Variants in CYP3A4 observed in about 807,000 individuals in gnomAD.
CYP3A4 encodes the protein cytochrome P450 3A4.
Under a neutral mutation model 54.9 loss-of-function variants are expected in CYP3A4, and 41 were observed. That is an observed-to-expected ratio of 0.75 (90% CI 0.58 to 0.97). The LOEUF (loss-of-function observed/expected upper bound fraction) is 0.97. Among genes scored for constraint, CYP3A4 ranks in the 50% least tolerant of loss-of-function variants. The pLI is 0.00. For missense variants in CYP3A4, 510 were observed against 597.3 expected, an observed-to-expected ratio of 0.85 and a Z score of 1.52; for synonymous variants, 179 against 205.2, an observed-to-expected ratio of 0.87 and a Z score of 1.09.
chr7:99,763,982 A>AT lies in CYP3A4; in HGVS notation c.898dup (p.Ile300AsnfsTer9). 1.2e-6 allele frequency: 2 copies of AT among 1,614,010 alleles called. No individual in the cohort carries two copies. The highest frequency in any genetic ancestry group is 8.5e-7 in the Non-Finnish European group (1 of 1,179,916). ...TTCATAGCCAGCAAAAATAAAGATA[A>AT]TTGATTGGGCCACGAGCTCCAGATC... On this transcript the variant is annotated frameshift_variant, in exon 10 of 13. Transcript: ENST00000651514. LOFTEE classifies it high-confidence loss of function.
In CYP3A4 at chr7:99,768,408, T is replaced by A. The variant is rs935043481; in HGVS notation, c.616A>T (p.Asn206Tyr). The change falls in exon 7 of 13, where the codon AAC becomes TAC. Residue 206 changes from asparagine to tyrosine, a missense_variant. Asn to Tyr is a moderately radical substitution (Grantham distance 143, BLOSUM62 -2). Transcript: ENST00000651514. Reference protein sequence around the residue: ...LNNPQDPFVENTKKLLRFDFL... With the variant: ...LNNPQDPFVEYTKKLLRFDFL... ...TCAAATCTTAAAAGCTTCTTGGTGT[T>A]TTCCACAAAGGGGTCTTGTGGATTG... The A allele has an allele frequency of 6.2e-7, 1 of 1,613,972 alleles. No homozygotes were observed. The highest frequency in any genetic ancestry group is 1.3e-5 in the African/African-American group (1 of 74,928).
chr7:99,769,966 G>T, intron 5 of CYP3A4, 110 bp from the exon 6 acceptor site: 1 of 1,580,944 alleles, frequency 6.3e-7, no homozygotes, highest in Admixed American at 1.7e-5. Flanking sequence ...AATGAATTTT[G>T]TGATGTGTTT....
At chr7:99,777,253 G>GA (rs956493630) in intron 3 of CYP3A4, among the ~76,000 whole-genome samples, 75 of 143,132 alleles carry the variant, frequency 5.2e-4, no homozygotes, top group African/African-American at 5.6e-4. Flanking sequence ...GGCACCTAAG[G>GA]AAAAAAAAAA....
chr7:99,759,324 A>C (rs1815257078), intron 12 of CYP3A4, among the ~76,000 whole-genome samples: 1 of 152,216 alleles, frequency 6.6e-6, no homozygotes, highest in Non-Finnish European at 1.5e-5. Flanking sequence ...TTCAGAGAAA[A>C]TATTTCAAAT....
chr7:99,766,442 T>A lies in CYP3A4; in HGVS notation c.800A>T (p.His267Leu). Reference sequence around the variant, plus strand: ...CATCAGCTGAAGGAAATCCACTCGGTGCTAGAAGCAAAAAGAGAAATTTCA... The same window carrying A: ...CATCAGCTGAAGGAAATCCACTCGGAGCTAGAAGCAAAAAGAGAAATTTCA... The part of the protein sequence containing the change: ...KESRLEDTQK[H>L]RVDFLQLMID... The change falls in exon 9 of 13, where the codon CAC (histidine) becomes CTC (leucine). Residue 267 changes from histidine (H) to leucine (L), a missense_variant and splice_region_variant. Around this residue, in one of 2 missense-constraint regions of CYP3A4, gnomAD observed 238 missense variants for 322.5 expected, o/e 0.74. Transcript: ENST00000651514. The A allele has an allele frequency of 6.2e-7, 1 of 1,613,624 alleles. No homozygotes were observed. Among genetic ancestry groups the A allele is most frequent in the Non-Finnish European group, 8.5e-7 (1 of 1,179,662 alleles).
In CYP3A4 at chr7:99,768,395, A is replaced by G. The variant is rs1214652492; in HGVS notation, c.629T>C (p.Leu210Pro). 6.2e-7 allele frequency: 1 copy of G among 1,614,070 alleles called. No homozygotes were observed. The highest frequency in any genetic ancestry group is 1.7e-5 in the Admixed American group (1 of 60,012). ...QDPFVENTKKLLRFDFLDPFF... is the reference protein window; with the variant it reads ...QDPFVENTKKPLRFDFLDPFF... ...TGGATCCAAAAAATCAAATCTTAAA[A>G]GCTTCTTGGTGTTTTCCACAAAGGG... The change falls in exon 7 of 13, where the codon CTT becomes CCT. Residue 210 changes from leucine (L) to proline (P), a missense_variant. Leu to Pro is a moderately conservative substitution (Grantham distance 98). This residue lies in a region of CYP3A4 where 272 missense variants were observed against 274.9 expected (regional missense o/e 0.99). Transcript: ENST00000651514.
At chr7:99,765,464 G>GGATAGATGATAGATA (rs943988578) in intron 9 of CYP3A4, among the ~76,000 whole-genome samples, 4 of 150,580 alleles carry the variant, frequency 2.7e-5, no homozygotes, top group African/African-American at 7.4e-5. Flanking sequence ...GATGATAGAT[G>GGATAGATGATAGATA]GATAGATGAT....
chr7:99,779,908 C>G, intron 2 of CYP3A4, 84 bp downstream of exon 2: 1 of 1,307,934 alleles, frequency 7.6e-7, no homozygotes, highest in Non-Finnish European at 1.1e-6. Context: ...AGACCTTCCC[C>G]CTGAGGAGAA....
chr7:99,760,502 A>G (rs1210419805), intron 12 of CYP3A4, among the ~76,000 whole-genome samples: 3 of 152,242 alleles, frequency 2.0e-5, no homozygotes, highest in African/African-American at 7.2e-5. Context: ...TAATCATTAC[A>G]CTTCATGACT....
At chr7:99,767,105 C>T (rs1472743677) in intron 8 of CYP3A4, 26 bp downstream of exon 8, 1 of 1,599,748 alleles carries the variant, frequency 6.3e-7, no homozygotes, top group Non-Finnish European at 8.5e-7. Flanking sequence ...ACTAAACATC[C>T]TCCTATAACT....
chr7:99,774,069 A>G (rs1815697713), intron 3 of CYP3A4, among the ~76,000 whole-genome samples: 1 of 152,232 alleles, frequency 6.6e-6, no homozygotes. Flanking sequence ...AAACACCTCT[A>G]TGCAAATAAA....
chr7:99,783,894 C>A (rs1815991093), intron 1 of CYP3A4, 117 bp downstream of exon 1: 2 of 1,223,702 alleles, frequency 1.6e-6, no homozygotes, highest in African/African-American at 3.0e-5. Context: ...CAGGTGTAAG[C>A]CACCACGCCC....
In CYP3A4 at chr7:99,758,238, T is replaced by C; in HGVS notation, c.1417-10A>G. On this transcript the variant is annotated splice_polypyrimidine_tract_variant and intron_variant, in intron 12 of 12. Transcript: ENST00000651514. ...TTAATTTCAGGGGGATCTGCAACAG[T>C]TAAACAAGCATATTGAGAAGCATTA... 1 of 1,612,516 alleles carries C rather than the reference T, an allele frequency of 6.2e-7. No individual in the cohort carries two copies. Among genetic ancestry groups the C allele is most frequent in the South Asian group, 1.1e-5 (1 of 91,042 alleles).
At position 99,757,996 on chromosome 7, in the gene CYP3A4, G is replaced by T; in HGVS notation, c.*137C>A. The T allele has an allele frequency of 1.4e-6, 1 of 708,334 alleles. No individual in the cohort carries two copies. Among genetic ancestry groups the T allele is most frequent in the Non-Finnish European group, 2.5e-6 (1 of 407,832 alleles). The allele number at this position is 708,334 out of a possible 1,614,324, so 43.9% of individuals were successfully genotyped here. On this transcript the variant is annotated 3_prime_UTR_variant, in exon 13 of 13. Coordinates refer to ENST00000651514, the MANE Select transcript of CYP3A4 (RefSeq NM_017460.6). ...AATGAGAGAGCTCAATGCATGTACA[G>T]AATCCCCGGTTATTTATGCAGTCCA...
At chr7:99,774,108 T>A (rs1271118874) in intron 3 of CYP3A4, among the ~76,000 whole-genome samples, 4 of 152,114 alleles carry the variant, frequency 2.6e-5, no homozygotes, top group Non-Finnish European at 5.9e-5. Context: ...ATAGATAAAT[T>A]CCTGGACACA....
At chr7:99,765,656 G>T (rs868857429) in intron 9 of CYP3A4, among the ~76,000 whole-genome samples, 30 of 152,184 alleles carry the variant, frequency 2.0e-4, no homozygotes, top group African/African-American at 7.0e-4. Context: ...TGAGATGGTT[G>T]CCAAGTCTTG....
Position 99,767,394 on chromosome 7 carries a change from C to G in CYP3A4, c.671-136G>C, listed in dbSNP as rs907128458. On this transcript the variant is annotated intron_variant, in intron 7 of 12. Coordinates refer to ENST00000651514, the MANE Select transcript of CYP3A4 (RefSeq NM_017460.6). ...GGTTCTCAACTGGAAGCCATTCCTTCTATGACTTTTGCCCCTCTTTCAGGC... is the reference window on the plus strand; with the variant it reads ...GGTTCTCAACTGGAAGCCATTCCTTGTATGACTTTTGCCCCTCTTTCAGGC... 6 of 790,004 alleles carry G rather than the reference C, an allele frequency of 7.6e-6. No individual in the cohort carries two copies. The African/African-American group carries it at 1.1e-4, about 14-fold the overall frequency. The allele number at this position is 790,004 out of a possible 1,614,324, so 48.9% of individuals were successfully genotyped here.
At chr7:99,767,334 T>C in intron 7 of CYP3A4, 76 bp from the exon 8 acceptor site, 1 of 1,307,646 alleles carries the variant, frequency 7.6e-7, no homozygotes, top group Admixed American at 2.4e-5. Flanking sequence ...GCAATTCTAG[T>C]TTTCTCTACC....
rs1401927801 is a variant in CYP3A4, at chr7:99,770,109, G to C, written c.432+13C>G. 1 of 1,601,962 alleles carries C rather than the reference G, an allele frequency of 6.2e-7. No homozygotes were observed. The highest frequency in any genetic ancestry group is 2.2e-5 in the East Asian group (1 of 44,754). On this transcript the variant is annotated intron_variant, in intron 5 of 12. Coordinates refer to ENST00000651514, the MANE Select transcript of CYP3A4 (RefSeq NM_017460.6). ...CTTTAAGTTTCTTATTAAAACTCATGTTATTTTCATACCTCCTTGAGTTTT... is the reference window on the plus strand; with the variant it reads ...CTTTAAGTTTCTTATTAAAACTCATCTTATTTTCATACCTCCTTGAGTTTT...
Sources: allele counts gnomAD v4.1 joint callset (sites outside exome capture counted in the v4.1 genomes callset), GRCh38; gene constraint gnomAD v4.1.1; regional missense constraint gnomAD v4.1.1; transcripts MANE v1.5; gene names NCBI Gene and HGNC (gene_info 2026-07-23, HGNC 2026-07-21).